The following SOX5 variants were observed in gnomAD, a reference collection of about 807,000 sequenced individuals.
SOX5 encodes transcription factor SOX-5.
A neutral mutation model predicts 92.0 loss-of-function variants in SOX5; 9 were observed. The observed-to-expected ratio is 0.10, with a 90% CI of 0.06 to 0.17. SOX5 has a LOEUF of 0.17. Among genes scored for constraint, SOX5 ranks in the 10% least tolerant of loss-of-function variants. SOX5 has a pLI of 1.00. For synonymous variants in SOX5, 344 were observed against 336.3 expected (o/e 1.02, Z -0.25); for missense variants, 642 against 944.5 (o/e 0.68, Z 4.20).
In SOX5 at chr12:24,486,412, A is replaced by G. The variant is rs1946535127; in HGVS notation, c.-251+75917T>C. Among the ~76,000 whole-genome samples the G allele has an allele frequency of 2.0e-5, 3 of 152,008 alleles. No individual in the cohort carries two copies. The South Asian group carries it at 6.2e-4, about 32-fold the overall frequency. Reference sequence around the variant, plus strand: ...AGGGCACTCTTTCTGATTAAAGCCAACTCCAATCTGAAGCAGTTACAATGG... The same window carrying G: ...AGGGCACTCTTTCTGATTAAAGCCAGCTCCAATCTGAAGCAGTTACAATGG... On this transcript the variant is annotated intron_variant, in intron 1 of 4. Transcript: ENST00000446891.
At position 24,156,051 on chromosome 12, in the gene SOX5, G is replaced by A. The variant is rs148632185; in HGVS notation, c.-2+57292C>T. ...CCAGTGGCTATGGGCCTTGTTTCTC[G>A]TGCTTAGCACTGTGAATTTTCCTCC... On this transcript the variant is annotated intron_variant, in intron 4 of 4. Coordinates refer to the SOX5 transcript ENST00000446891. Among the ~76,000 whole-genome samples, 279 of 152,192 alleles carry A rather than the reference G, an allele frequency of 1.8e-3. 2 individuals are homozygous for A. The highest frequency in any genetic ancestry group is 6.4e-3 in the African/African-American group (264 of 41,552).
At chr12:24,318,106 G>T (rs1323145316) in intron 2 of SOX5, among the ~76,000 whole-genome samples, 1 of 152,062 alleles carries the variant, frequency 6.6e-6, no homozygotes, top group African/African-American at 2.4e-5. Flanking sequence ...CTACTCAGGA[G>T]GCTGAGGCAT....
chr12:23,767,507 G>T (rs1176341764), intron 3 of SOX5, among the ~76,000 whole-genome samples: 1 of 152,110 alleles, frequency 6.6e-6, no homozygotes, highest in Admixed American at 6.6e-5. Context: ...CTCTTTAAGG[G>T]AATGGCAGGA....
chr12:23,544,175 A>G (rs1007258488), intron 12 of SOX5, among the ~76,000 whole-genome samples: 3 of 152,178 alleles, frequency 2.0e-5, no homozygotes, highest in Non-Finnish European at 4.4e-5. Flanking sequence ...TCACATTTCA[A>G]TCAGTAAGAT....
intron 6 of SOX5, among the ~76,000 whole-genome samples, chr12:23,683,368 T>C (rs756421048): frequency 3.3e-5 from 5 of 151,878 alleles, no homozygotes; most frequent in Non-Finnish European, 7.4e-5. Flanking sequence ...AGAAAACTGG[T>C]GAAAACTTCG....
At chr12:24,066,859 T>C (rs1940833529) in intron 4 of SOX5, among the ~76,000 whole-genome samples, 1 of 152,150 alleles carries the variant, frequency 6.6e-6, no homozygotes, top group Non-Finnish European at 1.5e-5. Context: ...TGAACACAGG[T>C]GGTCAGAGAT....
At chr12:23,734,628 A>C in intron 6 of SOX5, 56 bp downstream of exon 6, 2 of 1,321,504 alleles carry the variant, frequency 1.5e-6, no homozygotes, top group South Asian at 2.5e-5. Context: ...TTTAAGGATA[A>C]GAAACAGAAT....
intron 4 of SOX5, among the ~76,000 whole-genome samples, chr12:23,961,988 G>A (rs542896934): frequency 6.6e-6 from 1 of 152,282 alleles, no homozygotes; most frequent in Non-Finnish European, 1.5e-5. Flanking sequence ...ATTAACAGAA[G>A]TTTGGAAATT....
chr12:24,059,540 G>A (rs1939259340), intron 4 of SOX5, among the ~76,000 whole-genome samples: 1 of 152,136 alleles, frequency 6.6e-6, no homozygotes. Context: ...GGAAGGAACA[G>A]TAAGTGACTC....
upstream of SOX5, among the ~76,000 whole-genome samples, chr12:23,952,054 T>C (rs190234342): frequency 4.6e-5 from 7 of 152,308 alleles, no homozygotes; most frequent in African/African-American, 1.4e-4. Flanking sequence ...AATTAGGGTA[T>C]AGTAGCTGCA....
At chr12:23,987,468 T>C (rs955632853) in intron 4 of SOX5, among the ~76,000 whole-genome samples, 3 of 152,136 alleles carry the variant, frequency 2.0e-5, no homozygotes, top group Non-Finnish European at 4.4e-5. Flanking sequence ...AGATAGACAG[T>C]ACAAAGTGGT....
At chr12:24,531,602 A>G (rs926516834) in intron 1 of SOX5, among the ~76,000 whole-genome samples, 1 of 152,088 alleles carries the variant, frequency 6.6e-6, no homozygotes, top group Admixed American at 6.6e-5. Context: ...CTATATACTC[A>G]TTTCTCTGTT....
intron 3 of SOX5, among the ~76,000 whole-genome samples, chr12:23,758,959 T>C (rs1169152657): frequency 6.6e-6 from 1 of 151,690 alleles, no homozygotes; most frequent in Non-Finnish European, 1.5e-5. Flanking sequence ...GAAATAAATT[T>C]ATTTTCTTTA....
chr12:23,889,980 T>A (rs2097111643), intron 2 of SOX5, among the ~76,000 whole-genome samples: 2 of 152,210 alleles, frequency 1.3e-5, no homozygotes, highest in Admixed American at 1.3e-4. Context: ...TATTTCATAA[T>A]AAAATTCAGC....
At chr12:24,274,613 A>T (rs1944200691) in intron 3 of SOX5, among the ~76,000 whole-genome samples, 2 of 152,008 alleles carry the variant, frequency 1.3e-5, no homozygotes, top group South Asian at 4.2e-4. Context: ...GCTTCCAAAC[A>T]TCATACATCA....
At chr12:24,358,774 C>A (rs1955173234) in intron 2 of SOX5, among the ~76,000 whole-genome samples, 1 of 152,146 alleles carries the variant, frequency 6.6e-6, no homozygotes, top group Admixed American at 6.5e-5. Context: ...AACAGTTAAA[C>A]CAGATAAAGT....
chr12:24,078,121 T>C (rs1942879330), intron 4 of SOX5, among the ~76,000 whole-genome samples: 1 of 152,162 alleles, frequency 6.6e-6, no homozygotes, highest in South Asian at 2.1e-4. Flanking sequence ...CTATTAATTG[T>C]ATTTTACTGT....
At chr12:23,564,649 C>T (rs764092141) in intron 10 of SOX5, among the ~76,000 whole-genome samples, 12 of 152,094 alleles carry the variant, frequency 7.9e-5, no homozygotes, top group South Asian at 6.2e-4. Context: ...TGCCAAAACA[C>T]GCTATTAAAT....
At chr12:24,205,489 T>C (rs1468943646) in intron 4 of SOX5, among the ~76,000 whole-genome samples, 1 of 152,148 alleles carries the variant, frequency 6.6e-6, no homozygotes, top group South Asian at 2.1e-4. Flanking sequence ...AGATGACAAA[T>C]AACTCGTCTA....
Sources: gnomAD v4.1 joint callset for allele counts (sites outside exome capture counted in the v4.1 genomes callset) on GRCh38, gnomAD v4.1.1 for gene constraint, MANE v1.5 for transcripts, NCBI Gene and HGNC (gene_info 2026-07-23, HGNC 2026-07-21) for gene names.